Variants in CNTNAP3B observed in about 807,000 individuals in gnomAD.
CNTNAP3B encodes the protein contactin associated protein family member 3B.
CNTNAP3B carries 25 observed loss-of-function variants against 108.9 expected under a neutral mutation model. The observed-to-expected ratio is 0.23, with a 90% CI of 0.17 to 0.32. The LOEUF is 0.32. CNTNAP3B is among the 10% of genes least tolerant of loss of function. The pLI, the probability that CNTNAP3B is intolerant of heterozygous loss-of-function variation, is 1.00. For missense variants in CNTNAP3B, 252 were observed against 1,210.4 expected, an observed-to-expected ratio of 0.21 and a Z score of 11.75; for synonymous variants, 103 against 473.4, an observed-to-expected ratio of 0.22 and a Z score of 10.16.
chr9:41,957,650 A>G (rs1233522067), intron 12 of CNTNAP3B, among the ~76,000 whole-genome samples: 2 of 151,474 alleles, frequency 1.3e-5, no homozygotes, highest in East Asian at 3.9e-4. Flanking sequence ...CATGCTATCT[A>G]CTTTACCCAT....
chr9:41,947,284 T>A, intron 13 of CNTNAP3B, among the ~76,000 whole-genome samples: 1 of 152,122 alleles, frequency 6.6e-6, no homozygotes, highest in Non-Finnish European at 1.5e-5. Flanking sequence ...AACCTCAACA[T>A]ATTTAAAAGA....
intron 4 of CNTNAP3B, among the ~76,000 whole-genome samples, chr9:42,001,457 C>A (rs1826003827): frequency 7.4e-6 from 1 of 134,286 alleles, no homozygotes; most frequent in African/African-American, 3.0e-5. Flanking sequence ...TGCAAATATT[C>A]CCCTACAATA....
intron 3 of CNTNAP3B, among the ~76,000 whole-genome samples, chr9:42,076,246 C>A (rs1376738823): frequency 1.5e-5 from 1 of 67,234 alleles, no homozygotes; most frequent in African/African-American, 7.2e-5. Flanking sequence ...GAAACCCTGT[C>A]TCTACTAAAA....
chr9:41,965,833 C>T (rs1233825806), intron 10 of CNTNAP3B, among the ~76,000 whole-genome samples: 2 of 151,286 alleles, frequency 1.3e-5, no homozygotes, highest in East Asian at 3.9e-4. Context: ...TGTATTTGGC[C>T]TCGGGAGAGA....
intron 3 of CNTNAP3B, among the ~76,000 whole-genome samples, chr9:42,028,928 T>A (rs1437995998): frequency 5.3e-5 from 8 of 151,962 alleles, no homozygotes; most frequent in South Asian, 2.1e-4. Context: ...TAAATTAAAA[T>A]TTTTTTGGCA....
At chr9:42,030,813 G>GGGGAGAGAGAGA (rs1554751524) in intron 3 of CNTNAP3B, among the ~76,000 whole-genome samples, 1 of 65,748 alleles carries the variant, frequency 1.5e-5, no homozygotes, top group Non-Finnish European at 2.7e-5. Context: ...GAGAGAGAGA[G>GGGGAGAGAGAGA]GAGAGAGAGA....
chr9:41,923,537 G>A (rs1196246785), intron 16 of CNTNAP3B, among the ~76,000 whole-genome samples: 15 of 152,366 alleles, frequency 9.8e-5, no homozygotes, highest in South Asian at 6.2e-4. Context: ...CGAGGCAGGC[G>A]GATCACTTGA....
intron 13 of CNTNAP3B, among the ~76,000 whole-genome samples, chr9:41,951,859 C>CT (rs1416555800): frequency 1.3e-5 from 2 of 152,208 alleles, no homozygotes; most frequent in Non-Finnish European, 2.9e-5. Context: ...GGCGGATCAC[C>CT]TGAGGTCAGG....
intron 18 of CNTNAP3B, among the ~76,000 whole-genome samples, chr9:41,917,028 G>T (rs1361451723): frequency 3.9e-5 from 6 of 152,218 alleles, no homozygotes; most frequent in African/African-American, 1.4e-4. Flanking sequence ...AAACTTCTTT[G>T]TGTCATCTGT....
At chr9:41,943,212 A>G (rs1248752540) in intron 13 of CNTNAP3B, among the ~76,000 whole-genome samples, 3 of 152,296 alleles carry the variant, frequency 2.0e-5, no homozygotes, top group Non-Finnish European at 4.4e-5. Context: ...TGGCCTCATC[A>G]AAGTCTGGGA....
At chr9:41,918,434 C>CA (rs1341922213) in intron 18 of CNTNAP3B, among the ~76,000 whole-genome samples, 1 of 145,362 alleles carries the variant, frequency 6.9e-6, no homozygotes, top group Non-Finnish European at 1.5e-5. Context: ...AAGTTAATTC[C>CA]AAAAATGTGT....
intron 3 of CNTNAP3B, among the ~76,000 whole-genome samples, chr9:42,032,991 G>C (rs1321534188): frequency 2.1e-5 from 3 of 145,590 alleles, no homozygotes; most frequent in African/African-American, 7.9e-5. Context: ...TTCAGATATA[G>C]TCACATTCAG....
At chr9:41,945,187 C>A (rs1404652176) in intron 13 of CNTNAP3B, among the ~76,000 whole-genome samples, 2 of 152,168 alleles carry the variant, frequency 1.3e-5, no homozygotes, top group Non-Finnish European at 2.9e-5. Context: ...ACTAGTTCAA[C>A]CATTGTGGAA....
intron 15 of CNTNAP3B, among the ~76,000 whole-genome samples, chr9:41,924,472 G>T (rs1294267951): frequency 6.6e-6 from 1 of 152,304 alleles, no homozygotes; most frequent in East Asian, 1.9e-4. Flanking sequence ...TGACTTTGGG[G>T]TTTTTGGTCT....
chr9:41,920,827 C>A (rs1301576072), intron 17 of CNTNAP3B, among the ~76,000 whole-genome samples: 1 of 152,310 alleles, frequency 6.6e-6, no homozygotes, highest in African/African-American at 2.4e-5. Flanking sequence ...AATGGATAAG[C>A]AAAGGAGGGG....
chr9:42,018,828 C>A (rs1183544644), intron 3 of CNTNAP3B, among the ~76,000 whole-genome samples: 5 of 151,866 alleles, frequency 3.3e-5, no homozygotes, highest in Non-Finnish European at 2.9e-5. Flanking sequence ...CCATGCGGAG[C>A]CTTCCCCTCT....
chr9:41,943,869 A>G (rs1006872050), intron 13 of CNTNAP3B, among the ~76,000 whole-genome samples: 23 of 152,284 alleles, frequency 1.5e-4, no homozygotes, highest in Non-Finnish European at 2.8e-4. Context: ...TCTCATATTC[A>G]AATTGCAAAA....
At chr9:41,965,234 T>A (rs11526017) in intron 10 of CNTNAP3B, among the ~76,000 whole-genome samples, 31 of 152,276 alleles carry the variant, frequency 2.0e-4, no homozygotes, top group Non-Finnish European at 4.3e-4. Flanking sequence ...TATTAAAATC[T>A]CAATGCCTTT....
At chr9:42,018,651 C>T (rs566198116) in intron 3 of CNTNAP3B, among the ~76,000 whole-genome samples, 1 of 151,790 alleles carries the variant, frequency 6.6e-6, no homozygotes, top group Non-Finnish European at 1.5e-5. Flanking sequence ...GGCCACGGCT[C>T]CAGCAGGATG....
Sources: gnomAD v4.1 joint callset for allele counts (sites outside exome capture counted in the v4.1 genomes callset) on GRCh38, gnomAD v4.1.1 for gene constraint, MANE v1.5 for transcripts, NCBI Gene and HGNC (gene_info 2026-07-23, HGNC 2026-07-21) for gene names.